SPSB1: variants seen among roughly 807,000 people sequenced by gnomAD.
SPSB1 encodes splA/ryanodine receptor domain and SOCS box containing 1.
A neutral mutation model predicts 21.2 loss-of-function variants in SPSB1; 8 were observed. The observed-to-expected ratio is 0.38, with a 90% CI of 0.22 to 0.68. The LOEUF (loss-of-function observed/expected upper bound fraction) is 0.68, where lower values mean the gene tolerates loss of function less well. Ranked by LOEUF, SPSB1 falls within the 30% of genes least tolerant of loss-of-function variation. SPSB1 has a pLI of 0.53. For missense variants in SPSB1, 242 were observed against 377.8 expected (o/e 0.64, Z 2.98); for synonymous variants, 169 against 161.7 (o/e 1.05, Z -0.34).
chr1:9,296,590 GTA>G (rs1639229627), intron 1 of SPSB1, among the ~76,000 whole-genome samples: 1 of 149,990 alleles, frequency 6.7e-6, no homozygotes, highest in African/African-American at 2.4e-5. Flanking sequence ...GTGCACATGT[GTA>G]CACACACATA....
chr1:9,350,772 T>C (rs938691158), intron 1 of SPSB1, among the ~76,000 whole-genome samples: 15 of 152,186 alleles, frequency 9.9e-5, no homozygotes, highest in African/African-American at 3.4e-4. Flanking sequence ...CACCAACTGC[T>C]CAGCAGTCCC....
intron 1 of SPSB1, among the ~76,000 whole-genome samples, chr1:9,310,657 T>C (rs1639501633): frequency 6.6e-6 from 1 of 151,718 alleles, no homozygotes; most frequent in African/African-American, 2.4e-5. Context: ...ATTGCACCAC[T>C]GCACTACAGC....
chr1:9,354,058 C>T (rs1640320723), intron 1 of SPSB1, among the ~76,000 whole-genome samples: 1 of 152,184 alleles, frequency 6.6e-6, no homozygotes, highest in Non-Finnish European at 1.5e-5. Context: ...TCCTGGAGAC[C>T]TGGCCGCCCC....
chr1:9,331,119 GAAGTGT>G (rs1215911602), intron 1 of SPSB1, among the ~76,000 whole-genome samples: 1 of 152,038 alleles, frequency 6.6e-6, no homozygotes, highest in Non-Finnish European at 1.5e-5. Context: ...AATGCTTGTG[GAAGTGT>G]CTCCAGGCTC....
intron 1 of SPSB1, among the ~76,000 whole-genome samples, chr1:9,355,261 G>C (rs1000459771): frequency 6.6e-6 from 1 of 152,238 alleles, no homozygotes. Context: ...GAGACAGGGA[G>C]GAGGAGCTGG....
At chr1:9,362,947 A>G (rs1640504320) in intron 2 of SPSB1, among the ~76,000 whole-genome samples, 1 of 152,248 alleles carries the variant, frequency 6.6e-6, no homozygotes, top group Non-Finnish European at 1.5e-5. Context: ...CAGAGGCCCC[A>G]GGCCACAGTG....
At chr1:9,302,962 T>A (rs1044882634) in intron 1 of SPSB1, among the ~76,000 whole-genome samples, 1 of 152,144 alleles carries the variant, frequency 6.6e-6, no homozygotes, top group Non-Finnish European at 1.5e-5. Flanking sequence ...GAGGTCTTGG[T>A]TCCAGAGAGA....
At chr1:9,301,749 G>T (rs916063734) in intron 1 of SPSB1, among the ~76,000 whole-genome samples, 1 of 152,168 alleles carries the variant, frequency 6.6e-6, no homozygotes, top group African/African-American at 2.4e-5. Flanking sequence ...CACCAAAGCC[G>T]ACCTGGCTAT....
At chr1:9,302,426 G>A (rs1349206695) in intron 1 of SPSB1, among the ~76,000 whole-genome samples, 1 of 152,216 alleles carries the variant, frequency 6.6e-6, no homozygotes, top group Non-Finnish European at 1.5e-5. Context: ...GGAGGACACT[G>A]GCAATTGAGT....
intron 1 of SPSB1, among the ~76,000 whole-genome samples, chr1:9,297,464 A>G (rs1365714520): frequency 1.3e-5 from 2 of 152,124 alleles, no homozygotes; most frequent in Admixed American, 6.5e-5. Flanking sequence ...TTCCAAGGTC[A>G]GAGTGAGGAG....
chr1:9,342,145 C>T (rs1640101227), intron 1 of SPSB1, among the ~76,000 whole-genome samples: 1 of 152,206 alleles, frequency 6.6e-6, no homozygotes, highest in Non-Finnish European at 1.5e-5. Context: ...ACTCAGAGCA[C>T]AGGCCTCAGA....
chr1:9,323,524 G>C (rs1639759728), intron 1 of SPSB1, among the ~76,000 whole-genome samples: 1 of 152,338 alleles, frequency 6.6e-6, no homozygotes, highest in South Asian at 2.1e-4. Context: ...CCCTCATGGG[G>C]GTCTGGAGCC....
At chr1:9,326,408 T>A (rs1569601815) in intron 1 of SPSB1, among the ~76,000 whole-genome samples, 1 of 152,242 alleles carries the variant, frequency 6.6e-6, no homozygotes, top group East Asian at 1.9e-4. Flanking sequence ...CAGTGGGTGG[T>A]GTCGGAGGAG....
At chr1:9,353,478 A>C (rs752176183) in intron 1 of SPSB1, among the ~76,000 whole-genome samples, 17 of 152,270 alleles carry the variant, frequency 1.1e-4, no homozygotes, top group Non-Finnish European at 2.4e-4. Context: ...CATGGATGTG[A>C]GGTCACAGTA....
intron 1 of SPSB1, among the ~76,000 whole-genome samples, chr1:9,312,765 T>C (rs980285694): frequency 2.0e-5 from 3 of 152,180 alleles, no homozygotes; most frequent in Non-Finnish European, 4.4e-5. Flanking sequence ...ATTTGATTTT[T>C]TCAACCTGGT....
chr1:9,299,586 T>C (rs530286455), intron 1 of SPSB1, among the ~76,000 whole-genome samples: 11 of 152,160 alleles, frequency 7.2e-5, no homozygotes, highest in African/African-American at 2.4e-4. Flanking sequence ...TTCAAGCAAT[T>C]CTCCTGCTTC....
At chr1:9,352,562 A>G (rs1474137775) in intron 1 of SPSB1, among the ~76,000 whole-genome samples, 1 of 152,132 alleles carries the variant, frequency 6.6e-6, no homozygotes, top group Non-Finnish European at 1.5e-5. Context: ...CGCCCATTTC[A>G]GAAAAAGCTG....
intron 1 of SPSB1, among the ~76,000 whole-genome samples, chr1:9,319,898 C>G (rs547443975): frequency 6.6e-6 from 1 of 152,120 alleles, no homozygotes; most frequent in Non-Finnish European, 1.5e-5. Flanking sequence ...GCAGCCTCCC[C>G]GCCTATCTAG....
chr1:9,349,779 C>T (rs1197852474), intron 1 of SPSB1, among the ~76,000 whole-genome samples: 1 of 152,154 alleles, frequency 6.6e-6, no homozygotes, highest in East Asian at 1.9e-4. Flanking sequence ...CGTTTTATGG[C>T]TGTTTTTCTC....
Sources: allele counts gnomAD v4.1 joint callset (sites outside exome capture counted in the v4.1 genomes callset), GRCh38; gene constraint gnomAD v4.1.1; transcripts MANE v1.5; gene names NCBI Gene and HGNC (gene_info 2026-07-23, HGNC 2026-07-21).